The following KIF16B variants were observed in gnomAD, a reference collection of about 807,000 sequenced individuals.
KIF16B encodes the protein kinesin family member 16B, also known as kinesin-like protein KIF16B.
In KIF16B, 98 loss-of-function variants were observed where a neutral mutation model predicts 156.3. The ratio of observed to expected loss-of-function variants is 0.63; its 90% CI spans 0.53 to 0.74. The LOEUF (loss-of-function observed/expected upper bound fraction) is 0.74. Ranked by LOEUF, KIF16B falls within the 30% of genes least tolerant of loss-of-function variation. The pLI, the probability that KIF16B is intolerant of heterozygous loss-of-function variation, is 0.00. For synonymous variants in KIF16B, 564 were observed against 583.7 expected, an observed-to-expected ratio of 0.97 and a Z score of 0.49; for missense variants, 1,421 against 1,606.5, an observed-to-expected ratio of 0.88 and a Z score of 1.97.
intron 10 of KIF16B, among the ~76,000 whole-genome samples, chr20:16,501,623 G>A (rs879596706): frequency 1.3e-5 from 2 of 152,078 alleles, no homozygotes; most frequent in Non-Finnish European, 2.9e-5. Flanking sequence ...ATGGACAAAT[G>A]AGCTGGAATA....
chr20:16,305,312 T>C (rs751445073), intron 25 of KIF16B, among the ~76,000 whole-genome samples: 2 of 152,266 alleles, frequency 1.3e-5, no homozygotes, highest in South Asian at 2.1e-4. Flanking sequence ...CACTCCATAA[T>C]AGTGTCAGAT....
intron 15 of KIF16B, among the ~76,000 whole-genome samples, chr20:16,414,721 T>C (rs1439449115): frequency 6.6e-6 from 1 of 152,092 alleles, no homozygotes; most frequent in Non-Finnish European, 1.5e-5. Flanking sequence ...CATTTTTAGA[T>C]GTGTGTGTCG....
intron 4 of KIF16B, among the ~76,000 whole-genome samples, chr20:16,513,278 C>T (rs780034392): frequency 2.0e-5 from 3 of 152,094 alleles, no homozygotes; most frequent in Non-Finnish European, 2.9e-5. Flanking sequence ...GTGAAATACA[C>T]ACCAGGCAAA....
At chr20:16,565,509 T>A (rs1353149494) in intron 1 of KIF16B, among the ~76,000 whole-genome samples, 3 of 152,202 alleles carry the variant, frequency 2.0e-5, no homozygotes, top group Non-Finnish European at 2.9e-5. Flanking sequence ...AAACAGAACC[T>A]GAGCCTTAAA....
intron 17 of KIF16B, among the ~76,000 whole-genome samples, chr20:16,385,416 G>A (rs931085256): frequency 6.6e-6 from 1 of 152,094 alleles, no homozygotes; most frequent in Non-Finnish European, 1.5e-5. Context: ...GTCCTATAGG[G>A]GGGCAGGAAG....
rs1568943889 is a variant in KIF16B at position 16,406,598 on chromosome 20, GCTTA to G, written c.1613-146_1613-143del. 3 of 742,088 alleles carry G rather than the reference GCTTA, an allele frequency of 4.0e-6. No individual in the cohort carries two copies. The Admixed American group carries it at 8.0e-5, about 20-fold the overall frequency. The allele number at this position is 742,088 out of a possible 1,614,324, so 46.0% of individuals were successfully genotyped here. A position where few individuals can be genotyped will look rare whatever the true frequency, so the allele number is the denominator to read the frequency against. On this transcript the variant is annotated intron_variant, in intron 15 of 25. Transcript: ENST00000354981. ...GGGAAAGCTTTAGTCTCAAAAGTCTGCTTACTTAAGACAATTTCAAATCTGGAAA... is the reference window on the plus strand; with the variant it reads ...GGGAAAGCTTTAGTCTCAAAAGTCTGCTTAAGACAATTTCAAATCTGGAAA...
At chr20:16,423,567 A>T (rs919820895) in intron 15 of KIF16B, among the ~76,000 whole-genome samples, 11 of 152,128 alleles carry the variant, frequency 7.2e-5, no homozygotes, top group Non-Finnish European at 7.4e-5. Context: ...AAACCAGTAC[A>T]AGCCTCTTGT....
chr20:16,356,383 G>A lies in KIF16B; in HGVS notation c.3568C>T (p.Arg1190Cys), dbSNP rs775086869. The change falls in exon 23 of 26, where the codon CGC becomes TGC. Residue 1190 changes from arginine to cysteine, a missense_variant. Coordinates refer to ENST00000354981, the MANE Select transcript of KIF16B (RefSeq NM_024704.5). ...LKDPIKISIP[R>C]YVLCGQGKDA... The stretch of plus-strand genomic sequence containing the variant: ...TTTCCTTGCCCGCAGAGGACGTAGC[G>A]TGGGATACTAATTTTAATTGGGTCC... 8.7e-6 allele frequency: 14 copies of A among 1,614,050 alleles called. No individual in the cohort carries two copies. The highest frequency in any genetic ancestry group is 1.6e-4 in the Middle Eastern group (1 of 6,084).
chr20:16,374,519 G>T, intron 19 of KIF16B, 110 bp from the exon 20 acceptor site: 1 of 1,047,792 alleles, frequency 9.5e-7, no homozygotes, highest in Non-Finnish European at 1.3e-6. Flanking sequence ...TGTCCTCTGT[G>T]TGCAAAGAAC....
chr20:16,474,309 C>T lies in KIF16B; in HGVS notation c.1302+19982G>A, dbSNP rs78990695. 4.0e-3 allele frequency among the ~76,000 whole-genome samples: 608 copies of T among 152,328 alleles called. 1 individual carries two copies. The highest frequency in any genetic ancestry group is 6.2e-3 in the Non-Finnish European group (420 of 68,030). On this transcript the variant is annotated intron_variant, in intron 12 of 25. Transcript: ENST00000354981. ...AGCTGTGTCAAGTTTCTTACCCGCT[C>T]CAGCCTCTGTTTCCTAACATAGAAT...
intron 23 of KIF16B, among the ~76,000 whole-genome samples, chr20:16,347,650 A>G (rs188077032): frequency 6.6e-6 from 1 of 152,360 alleles, no homozygotes; most frequent in African/African-American, 2.4e-5. Context: ...TAAAAATCCT[A>G]GGATAAAATG....
chr20:16,367,781 CG>C, intron 22 of KIF16B: 1 of 1,612,486 alleles, frequency 6.2e-7, no homozygotes, highest in Non-Finnish European at 8.5e-7. Context: ...GCGCAGGCAG[CG>C]GCATCAGGCT....
chr20:16,289,061 T>A (rs6080205), intron 25 of KIF16B, among the ~76,000 whole-genome samples: 41,383 of 152,006 alleles, frequency 0.27, 5,695 homozygotes, highest in East Asian at 0.37. Flanking sequence ...CCAAACATCA[T>A]GGCTTAGCCT....
intron 25 of KIF16B, among the ~76,000 whole-genome samples, chr20:16,288,456 G>A (rs1045160783): frequency 6.6e-6 from 1 of 152,154 alleles, no homozygotes; most frequent in South Asian, 2.1e-4. Context: ...AAGTGGAAGA[G>A]CATCTGTATG....
At chr20:16,376,713 C>T (rs1470750355) in intron 19 of KIF16B, among the ~76,000 whole-genome samples, 1 of 152,162 alleles carries the variant, frequency 6.6e-6, no homozygotes, top group Non-Finnish European at 1.5e-5. Context: ...ACTGTGTCTG[C>T]TATTATACAG....
intron 1 of KIF16B, among the ~76,000 whole-genome samples, chr20:16,570,514 A>T (rs1422302854): frequency 1.3e-5 from 2 of 152,102 alleles, no homozygotes; most frequent in Non-Finnish European, 2.9e-5. Context: ...TCTCACTGGT[A>T]AAAAAATGGC....
intron 24 of KIF16B, among the ~76,000 whole-genome samples, chr20:16,327,934 T>C (rs372632164): frequency 2.6e-5 from 4 of 152,194 alleles, no homozygotes; most frequent in South Asian, 2.1e-4. Flanking sequence ...TGAGCAGATT[T>C]GCAATTTTTA....
At chr20:16,375,758 G>C (rs1394047584) in intron 19 of KIF16B, among the ~76,000 whole-genome samples, 1 of 152,166 alleles carries the variant, frequency 6.6e-6, no homozygotes, top group African/African-American at 2.4e-5. Context: ...CTCCTGCTGG[G>C]GTTGTTAAGA....
At chr20:16,313,172 C>T (rs2063646728) in intron 24 of KIF16B, among the ~76,000 whole-genome samples, 1 of 152,204 alleles carries the variant, frequency 6.6e-6, no homozygotes, top group Non-Finnish European at 1.5e-5. Flanking sequence ...TGAATAAATG[C>T]TAAGTAGCAA....
Sources: gnomAD v4.1 joint callset for allele counts (sites outside exome capture counted in the v4.1 genomes callset) on GRCh38, gnomAD v4.1.1 for gene constraint, MANE v1.5 for transcripts, NCBI Gene and HGNC (gene_info 2026-07-23, HGNC 2026-07-21) for gene names.